The following PLEKHA2 variants were observed in gnomAD, a reference collection of about 807,000 sequenced individuals.
PLEKHA2 encodes pleckstrin homology domain containing A2.
A neutral mutation model predicts 53.2 loss-of-function variants in PLEKHA2; 28 were observed. The observed-to-expected ratio is 0.53, with a 90% CI of 0.39 to 0.72. The LOEUF is 0.72. PLEKHA2 is among the 30% of genes least tolerant of loss of function. The probability of loss-of-function intolerance (pLI) is 0.00; values close to 1 mark genes in which losing one functional copy is unlikely to be tolerated. For missense variants in PLEKHA2, 426 were observed against 537.9 expected (o/e 0.79, Z 2.06); for synonymous variants, 193 against 196.4 (o/e 0.98, Z 0.14).
intron 4 of PLEKHA2, 100 bp downstream of exon 4, chr8:38,943,937 G>A: frequency 1.1e-6 from 1 of 904,306 alleles, no homozygotes; most frequent in East Asian, 3.0e-5. Context: ...TATACCCTGT[G>A]AGTATGAGTG....
At chr8:38,919,980 CT>C (rs1012204647) in intron 2 of PLEKHA2, among the ~76,000 whole-genome samples, 5 of 151,216 alleles carry the variant, frequency 3.3e-5, no homozygotes, top group South Asian at 2.1e-4. Flanking sequence ...TCTTTTCTCT[CT>C]TTTTTTTTGA....
chr8:38,961,678 A>G (rs1835044393), intron 10 of PLEKHA2, among the ~76,000 whole-genome samples: 1 of 152,196 alleles, frequency 6.6e-6, no homozygotes, highest in Non-Finnish European at 1.5e-5. Context: ...CCCCAAGGTT[A>G]TGCTCAGTAA....
intron 10 of PLEKHA2, among the ~76,000 whole-genome samples, chr8:38,959,368 C>T (rs764418711): frequency 1.3e-5 from 2 of 152,116 alleles, no homozygotes; most frequent in African/African-American, 2.4e-5. Context: ...CAGTTAGGCA[C>T]GGAGGACCCT....
At chr8:38,907,453 T>A (rs1468256703) in intron 1 of PLEKHA2, among the ~76,000 whole-genome samples, 1 of 152,208 alleles carries the variant, frequency 6.6e-6, no homozygotes, top group Non-Finnish European at 1.5e-5. Flanking sequence ...ACAGCTCTCA[T>A]TACTTAATAC....
chr8:38,945,078 C>T (rs1020927940), intron 4 of PLEKHA2, among the ~76,000 whole-genome samples: 6 of 152,158 alleles, frequency 3.9e-5, no homozygotes, highest in East Asian at 1.9e-4. Flanking sequence ...GCAGAGTCAC[C>T]GTGCATGGGT....
intron 1 of PLEKHA2, among the ~76,000 whole-genome samples, chr8:38,905,832 A>C (rs1056003124): frequency 1.2e-4 from 18 of 152,030 alleles, no homozygotes; most frequent in South Asian, 4.2e-4. Flanking sequence ...CTACAGGCGC[A>C]TGCCACCACG....
At chr8:38,912,283 G>A (rs1283035800) in intron 1 of PLEKHA2, among the ~76,000 whole-genome samples, 2 of 152,174 alleles carry the variant, frequency 1.3e-5, no homozygotes, top group African/African-American at 2.4e-5. Flanking sequence ...CAGCCTGGGC[G>A]ACAAAAGCAA....
At chr8:38,968,474 C>A in intron 10 of PLEKHA2, 118 bp from the exon 11 acceptor site, 1 of 879,522 alleles carries the variant, frequency 1.1e-6, no homozygotes, top group Non-Finnish European at 1.8e-6. Context: ...TAGATGATTT[C>A]TGGGATGCTT....
chr8:38,903,966 A>G (rs559661333), intron 1 of PLEKHA2, among the ~76,000 whole-genome samples: 1 of 152,316 alleles, frequency 6.6e-6, no homozygotes, highest in East Asian at 1.9e-4. Context: ...ATGGGACTCC[A>G]GCAATCTAAT....
intron 2 of PLEKHA2, among the ~76,000 whole-genome samples, chr8:38,918,776 T>C (rs1834127530): frequency 6.6e-6 from 1 of 150,990 alleles, no homozygotes; most frequent in African/African-American, 2.4e-5. Flanking sequence ...CACACACACA[T>C]ATACACACAG....
chr8:38,921,214 A>C (rs560468305), intron 2 of PLEKHA2, among the ~76,000 whole-genome samples: 45 of 152,310 alleles, frequency 3.0e-4, no homozygotes, highest in African/African-American at 1.0e-3. Flanking sequence ...ATGGGTCTTC[A>C]CGTTCCCTCT....
chr8:38,939,645 G>A (rs1834563610), intron 3 of PLEKHA2, among the ~76,000 whole-genome samples: 2 of 152,222 alleles, frequency 1.3e-5, no homozygotes, highest in African/African-American at 2.4e-5. Context: ...TGGTCAAAAC[G>A]AGCATTTGTT....
At chr8:38,909,583 T>C (rs1833926436) in intron 1 of PLEKHA2, among the ~76,000 whole-genome samples, 1 of 152,104 alleles carries the variant, frequency 6.6e-6, no homozygotes, top group South Asian at 2.1e-4. Flanking sequence ...TCGGGGCAAT[T>C]TTTTTCTTGG....
At position 38,969,831 on chromosome 8, in the gene PLEKHA2, A is replaced by G; in HGVS notation, c.*48A>G. The G allele has an allele frequency of 6.5e-7, 1 of 1,540,196 alleles. No homozygotes were observed. The highest frequency in any genetic ancestry group is 8.7e-7 in the Non-Finnish European group (1 of 1,144,832). ...GAGGGAGGGAGGGAGGACTTGAGAG[A>G]AGGAGGCTGTGACTCAGTTTCTCTA... On this transcript the variant is annotated 3_prime_UTR_variant, in exon 12 of 12. Transcript: ENST00000617275.
At chr8:38,969,299 C>A in intron 11 of PLEKHA2, 122 bp from the exon 12 acceptor site, 2 of 1,186,890 alleles carry the variant, frequency 1.7e-6, no homozygotes, top group South Asian at 1.5e-5. Context: ...TTTTTGTAGG[C>A]AAGCATCCTT....
intron 6 of PLEKHA2, among the ~76,000 whole-genome samples, 152 bp downstream of exon 6, chr8:38,951,142 T>C (rs979954169): frequency 1.3e-5 from 2 of 152,098 alleles, no homozygotes; most frequent in Non-Finnish European, 2.9e-5. Context: ...GTACAGGTCA[T>C]GTTACATCCC....
intron 4 of PLEKHA2, among the ~76,000 whole-genome samples, chr8:38,945,196 A>G (rs1166270699): frequency 6.6e-6 from 1 of 152,230 alleles, no homozygotes; most frequent in Admixed American, 6.5e-5. Context: ...GCAAATGCTA[A>G]CAAATAGTTT....
At chr8:38,962,774 G>A (rs2096113096) in intron 10 of PLEKHA2, among the ~76,000 whole-genome samples, 1 of 152,226 alleles carries the variant, frequency 6.6e-6, no homozygotes, top group South Asian at 2.1e-4. Flanking sequence ...TTAGAACTAG[G>A]GTGCTATGTC....
intron 1 of PLEKHA2, among the ~76,000 whole-genome samples, chr8:38,917,062 G>A (rs367735286): frequency 6.8e-4 from 103 of 152,246 alleles, no homozygotes; most frequent in African/African-American, 2.2e-3. Context: ...TTTGCCACTC[G>A]TATGTGTTTT....
Sources: allele counts gnomAD v4.1 joint callset (sites outside exome capture counted in the v4.1 genomes callset), GRCh38; gene constraint gnomAD v4.1.1; transcripts MANE v1.5; gene names NCBI Gene and HGNC (gene_info 2026-07-23, HGNC 2026-07-21).